Variants in ABLIM2 observed in about 807,000 individuals in gnomAD.
ABLIM2 encodes the protein actin binding LIM protein family member 2, also known as actin-binding LIM protein 2.
A neutral mutation model predicts 97.7 loss-of-function variants in ABLIM2; 53 were observed. That is an observed-to-expected ratio of 0.54 (90% CI 0.44 to 0.68). ABLIM2 has a LOEUF of 0.68. ABLIM2 is among the 30% of genes least tolerant of loss of function. The probability of loss-of-function intolerance (pLI) is 0.00; values close to 1 mark genes in which losing one functional copy is unlikely to be tolerated. For missense variants in ABLIM2, 835 were observed against 867.2 expected, an observed-to-expected ratio of 0.96 and a Z score of 0.47; for synonymous variants, 361 against 345.8, an observed-to-expected ratio of 1.04 and a Z score of -0.49.
chr4:8,001,921 T>C lies in ABLIM2; in HGVS notation c.1618+6138A>G, dbSNP rs1757488702. 6.6e-6 allele frequency among the ~76,000 whole-genome samples: 1 copy of C among 152,218 alleles called. No homozygotes were observed. Among genetic ancestry groups the C allele is most frequent in the Non-Finnish European group, 1.5e-5 (1 of 68,044 alleles). On this transcript the variant is annotated intron_variant, in intron 16 of 20. Coordinates refer to ENST00000447017, the MANE Select transcript of ABLIM2 (RefSeq NM_001130083.2). This position sits in a 1 kb window ranked among gnomAD's most constrained non-coding sequence, Gnocchi z 4.2. ...CTGCCCGCTTGTCAGCACACACATG[T>C]GCGTGCTCTCTCTCTCTTTTTCTTG...
At position 8,116,851 on chromosome 4, in the gene ABLIM2, C is replaced by G. The variant is rs193053434; in HGVS notation, c.11-10214G>C. Among the ~76,000 whole-genome samples, 572 of 152,306 alleles carry G rather than the reference C, an allele frequency of 3.8e-3. 2 individuals carry two copies. Among genetic ancestry groups the G allele is most frequent in the Middle Eastern group, 0.017 (5 of 294 alleles). On this transcript the variant is annotated intron_variant, in intron 1 of 20. Coordinates refer to ENST00000447017, the MANE Select transcript of ABLIM2 (RefSeq NM_001130083.2). ...TACTAGGTCCCAAACTGTTCCTGAT[C>G]TAATTTCTGGAACTTGCCCACCAAG...
chr4:7,969,462 C>G (rs1453473747), intron 20 of ABLIM2, among the ~76,000 whole-genome samples: 2 of 151,998 alleles, frequency 1.3e-5, no homozygotes, highest in East Asian at 3.9e-4. Context: ...CTCAAACAAA[C>G]AAACAAACAA....
intron 1 of ABLIM2, among the ~76,000 whole-genome samples, chr4:8,109,377 T>A (rs909720548): frequency 1.3e-5 from 2 of 152,226 alleles, no homozygotes; most frequent in Non-Finnish European, 2.9e-5. Flanking sequence ...CGCACAGACG[T>A]ACTCACTCAC....
At chr4:8,016,391 A>G (rs1318409484) in intron 14 of ABLIM2, among the ~76,000 whole-genome samples, 1 of 152,094 alleles carries the variant, frequency 6.6e-6, no homozygotes, top group African/African-American at 2.4e-5. Flanking sequence ...CCCCTGAGGG[A>G]ATCGATCCAC....
chr4:8,006,970 G>C (rs1761847049), intron 16 of ABLIM2: 1 of 954,826 alleles, frequency 1.0e-6, no homozygotes, highest in Non-Finnish European at 1.2e-6. Context: ...CGGGGGCAGA[G>C]GCCTGAGGGG....
intron 18 of ABLIM2, among the ~76,000 whole-genome samples, chr4:7,983,783 A>T (rs1315237718): frequency 1.3e-5 from 2 of 152,232 alleles, no homozygotes; most frequent in Admixed American, 1.3e-4. Context: ...GTCAGGCTGC[A>T]GGCCAGGCTG....
rs1489547671 is a variant in ABLIM2 at position 8,072,706 on chromosome 4, C to T, written c.675+4922G>A. 2.6e-5 allele frequency among the ~76,000 whole-genome samples: 4 copies of T among 152,232 alleles called. No individual in the cohort carries two copies. The highest frequency in any genetic ancestry group is 9.6e-5 in the African/African-American group (4 of 41,470). On this transcript the variant is annotated intron_variant, in intron 6 of 20. Coordinates refer to ENST00000447017, the MANE Select transcript of ABLIM2 (RefSeq NM_001130083.2). The surrounding 1 kb of genome is among the most constrained non-coding windows in gnomAD (Gnocchi z 5.8). Reference sequence around the variant, plus strand: ...TGATGGCCGGGCACGTGGGTGGATCCAGCTGGACGCCCAGGTGAGTGGTGG... The same window carrying T: ...TGATGGCCGGGCACGTGGGTGGATCTAGCTGGACGCCCAGGTGAGTGGTGG...
intron 14 of ABLIM2, among the ~76,000 whole-genome samples, chr4:8,014,247 C>T (rs553880905): frequency 8.5e-5 from 13 of 152,344 alleles, no homozygotes; most frequent in African/African-American, 2.4e-4. Context: ...GGAAGGTGCC[C>T]GGGGTTTCAT....
intron 9 of ABLIM2, among the ~76,000 whole-genome samples, chr4:8,040,810 G>T (rs944566945): frequency 6.6e-6 from 1 of 152,200 alleles, no homozygotes; most frequent in African/African-American, 2.4e-5. Flanking sequence ...CTGGGATGCA[G>T]CCAGGCTGGG....
chr4:7,996,968 T>C lies in ABLIM2; in HGVS notation c.1619-4041A>G, dbSNP rs533414726. Among the ~76,000 whole-genome samples, 2 of 152,372 alleles carry C rather than the reference T, an allele frequency of 1.3e-5. No individual in the cohort carries two copies. Among genetic ancestry groups the C allele is most frequent in the Admixed American group, 6.5e-5 (1 of 15,306 alleles). On this transcript the variant is annotated intron_variant, in intron 16 of 20. Transcript: ENST00000447017. The surrounding 1 kb of genome is among the most constrained non-coding windows in gnomAD (Gnocchi z 4.5). ...TTATGATGTGTCTTGGTGCAGATTT[T>C]TGGGGTTTATCCTCTTTCTTTGGGA...
intron 16 of ABLIM2, among the ~76,000 whole-genome samples, chr4:7,995,920 C>T (rs1359508115): frequency 1.3e-5 from 2 of 152,124 alleles, no homozygotes; most frequent in African/African-American, 2.4e-5. Flanking sequence ...AGTCAAGGCC[C>T]CGAGACGTGC....
rs376505159 is a variant in ABLIM2, at chr4:8,051,384, T to A, written c.822+2804A>T. ...CAACATAATGAAACCCTGTCTCTAC[T>A]AAAAAAAAAAGAAAATACAAAAATT... On this transcript the variant is annotated intron_variant, in intron 8 of 20. Coordinates refer to ENST00000447017, the MANE Select transcript of ABLIM2 (RefSeq NM_001130083.2). Among the ~76,000 whole-genome samples, 233 of 147,674 alleles carry A rather than the reference T, an allele frequency of 1.6e-3. 2 individuals carry two copies. Among genetic ancestry groups the A allele is most frequent in the African/African-American group, 5.6e-3 (226 of 40,258 alleles).
At chr4:8,089,685 G>A (rs980870500) in intron 3 of ABLIM2, among the ~76,000 whole-genome samples, 1 of 135,518 alleles carries the variant, frequency 7.4e-6, no homozygotes, top group Non-Finnish European at 1.5e-5. Context: ...AGTGAGCCGA[G>A]ATTGCACCAC....
intron 7 of ABLIM2, among the ~76,000 whole-genome samples, chr4:8,056,069 C>A (rs761281925): frequency 8.1e-6 from 1 of 123,396 alleles, no homozygotes; most frequent in Non-Finnish European, 1.6e-5. Flanking sequence ...GCTGAGATTG[C>A]ACCATTGCAT....
At chr4:8,040,031 G>A (rs936420123) in intron 9 of ABLIM2, among the ~76,000 whole-genome samples, 4 of 152,198 alleles carry the variant, frequency 2.6e-5, no homozygotes, top group Admixed American at 2.6e-4. Flanking sequence ...CCCAGTCCCT[G>A]CCCGCCAAGC....
At position 8,140,195 on chromosome 4, in the gene ABLIM2, T is replaced by C. The variant is rs566253754; in HGVS notation, c.10+18485A>G. Among the ~76,000 whole-genome samples the C allele has an allele frequency of 1.3e-5, 2 of 152,272 alleles. No homozygotes were observed. The highest frequency in any genetic ancestry group is 2.9e-5 in the Non-Finnish European group (2 of 68,022). On this transcript the variant is annotated intron_variant, in intron 1 of 20. Coordinates refer to ENST00000447017, the MANE Select transcript of ABLIM2 (RefSeq NM_001130083.2). This position sits in a 1 kb window ranked among gnomAD's most constrained non-coding sequence, Gnocchi z 5.9. ...GGTTAACAGGTGCGGCAAACCACCA[T>C]GGCACACGTTTACCTGTGTAACAAA...
chr4:8,007,656 T>C (rs764821171), intron 16 of ABLIM2: 28 of 1,002,406 alleles, frequency 2.8e-5, no homozygotes, highest in Non-Finnish European at 3.3e-5. Flanking sequence ...ACAGGGATGG[T>C]GCCCATCACC....
At chr4:8,096,062 T>C (rs62289381) in intron 3 of ABLIM2, among the ~76,000 whole-genome samples, 38,598 of 152,002 alleles carry the variant, frequency 0.25, 5,503 homozygotes, top group South Asian at 0.46. Context: ...GTCTCCTGCC[T>C]CAGGACGATG....
intron 16 of ABLIM2, among the ~76,000 whole-genome samples, chr4:8,000,198 C>G (rs962746108): frequency 3.9e-5 from 6 of 152,092 alleles, no homozygotes; most frequent in Non-Finnish European, 8.8e-5. Flanking sequence ...GGCCCCTTGG[C>G]TGGTCTGAGC....
Sources: gnomAD v4.1 joint callset for allele counts (sites outside exome capture counted in the v4.1 genomes callset) on GRCh38, gnomAD v4.1.1 for gene constraint, Gnocchi (gnomAD v3.1) non-coding constraint, MANE v1.5 for transcripts, NCBI Gene and HGNC (gene_info 2026-07-23, HGNC 2026-07-21) for gene names.